KCNH3: variants seen among roughly 807,000 people sequenced by gnomAD.
KCNH3 encodes the protein potassium voltage-gated channel subfamily H member 3, also known as voltage-gated inwardly rectifying potassium channel KCNH3.
In KCNH3, 36 loss-of-function variants were observed where a neutral mutation model predicts 95.6. That is an observed-to-expected ratio of 0.38 (90% CI 0.29 to 0.50). The LOEUF is 0.50. Among genes scored for constraint, KCNH3 ranks in the 20% least tolerant of loss-of-function variants. KCNH3 has a pLI of 0.95. For synonymous variants in KCNH3, 620 were observed against 646.3 expected (o/e 0.96, Z 0.62); for missense variants, 1,030 against 1,484.1 (o/e 0.69, Z 5.03).
chr12:49,547,214 T>A (rs540847898), intron 7 of KCNH3, among the ~76,000 whole-genome samples: 33 of 152,326 alleles, frequency 2.2e-4, no homozygotes, highest in Non-Finnish European at 4.3e-4. Context: ...TGCATTCTTA[T>A]GGCACATCTC....
chr12:49,550,023 GC>G (rs1938204238), intron 9 of KCNH3, 56 bp from the exon 10 acceptor site: 2 of 1,516,118 alleles, frequency 1.3e-6, no homozygotes, highest in Non-Finnish European at 1.8e-6. Context: ...CTGGCTGGAG[GC>G]CACCTCCTCT....
intron 5 of KCNH3, 69 bp downstream of exon 5, chr12:49,543,587 C>T (rs372651374): frequency 5.9e-5 from 92 of 1,552,964 alleles, no homozygotes; most frequent in African/African-American, 4.0e-4. Context: ...GGATAGTCCA[C>T]GTGGCTTCCA....
Position 49,542,702 on chromosome 12 carries a change from G to T in KCNH3, c.446-4G>T. On this transcript the variant is annotated splice_polypyrimidine_tract_variant and splice_region_variant and intron_variant, in intron 3 of 14. Coordinates refer to ENST00000257981, the MANE Select transcript of KCNH3 (RefSeq NM_012284.3). Reference sequence around the variant, plus strand: ...CATCTTCATGGGCCCCTCTTCTTTCGCAGGTGGTGGCCGGCGCCGATATGG... The same window carrying T: ...CATCTTCATGGGCCCCTCTTCTTTCTCAGGTGGTGGCCGGCGCCGATATGG... The T allele has an allele frequency of 1.3e-6, 2 of 1,569,542 alleles. No homozygotes were observed. Among genetic ancestry groups the T allele is most frequent in the Non-Finnish European group, 8.6e-7 (1 of 1,158,014 alleles).
rs563979836 is a variant in KCNH3 at position 49,551,965 on chromosome 12, G to A, written c.1918+1636G>A. Among the ~76,000 whole-genome samples, 9 of 152,328 alleles carry A rather than the reference G, an allele frequency of 5.9e-5. No homozygotes were observed. The South Asian group carries it at 1.0e-3, about 18-fold the overall frequency. ...GAAACAAGAGGAAAAAAATGCCATCGGGGTCTTAGACCCCAAGAGTGGGGA... is the reference window on the plus strand; with the variant it reads ...GAAACAAGAGGAAAAAAATGCCATCAGGGTCTTAGACCCCAAGAGTGGGGA... On this transcript the variant is annotated intron_variant, in intron 10 of 14. Coordinates refer to ENST00000257981, the MANE Select transcript of KCNH3 (RefSeq NM_012284.3).
At position 49,539,551 on chromosome 12, in the gene KCNH3, C is replaced by T; in HGVS notation, c.76+59C>T. ...CGCCGGACCCTCGCCAGGGCTCCCG[C>T]CTTCCCCGAACCCCCAGCAGCCCAG... is the stretch of plus-strand genomic sequence containing the variant. On this transcript the variant is annotated intron_variant, in intron 1 of 14. Transcript: ENST00000257981. The surrounding 1 kb of genome is among the most constrained non-coding windows in gnomAD (Gnocchi z 6.7). 1 of 1,469,642 alleles carries T rather than the reference C, an allele frequency of 6.8e-7. No homozygotes were observed. 91.0% of individuals were successfully genotyped at this position (1,469,642 alleles called of 1,614,324 possible).
chr12:49,548,848 C>G (rs375193484), intron 7 of KCNH3, 47 bp from the exon 8 acceptor site: 13 of 1,497,474 alleles, frequency 8.7e-6, no homozygotes, highest in South Asian at 5.2e-5. Flanking sequence ...CCGGCATCCT[C>G]GCCCACAGTC....
chr12:49,540,206 T>G (rs931301874), intron 1 of KCNH3, among the ~76,000 whole-genome samples: 1 of 152,140 alleles, frequency 6.6e-6, no homozygotes, highest in African/African-American at 2.4e-5. Flanking sequence ...CTCCGGTTCC[T>G]GATAGGGGGT....
intron 10 of KCNH3, among the ~76,000 whole-genome samples, chr12:49,552,941 A>C (rs575176287): frequency 2.6e-5 from 4 of 152,206 alleles, no homozygotes; most frequent in Non-Finnish European, 5.9e-5. Context: ...TTCTATACTT[A>C]AGTTGGAGCA....
intron 5 of KCNH3, 79 bp from the exon 6 acceptor site, chr12:49,543,836 T>C (rs1937957097): frequency 6.5e-7 from 1 of 1,537,580 alleles, no homozygotes. Context: ...TGTCAACTAC[T>C]GAGAAAGTGA....
chr12:49,549,550 C>T lies in KCNH3; in HGVS notation c.1578C>T (p.Arg526=), dbSNP rs780037697. The T allele has an allele frequency of 3.1e-6, 5 of 1,613,610 alleles. No individual in the cohort carries two copies. In the South Asian group the frequency reaches 4.4e-5, roughly 14 times the overall value. The part of the protein sequence containing the change: ...SRTRDLRDYI[R]IHRIPKPLKQ... Reference sequence around the variant, plus strand: ...CGCGCGACCTGCGCGACTACATCCGCATCCACCGTATCCCCAAGCCCCTCA... The same window carrying T: ...CGCGCGACCTGCGCGACTACATCCGTATCCACCGTATCCCCAAGCCCCTCA... The change falls in exon 9 of 15, where the codon CGC becomes CGT. Residue 526 remains arginine (R), a synonymous_variant. Coordinates refer to ENST00000257981, the MANE Select transcript of KCNH3 (RefSeq NM_012284.3).
At chr12:49,544,495 C>T in intron 7 of KCNH3, 113 bp downstream of exon 7, 1 of 1,042,668 alleles carries the variant, frequency 9.6e-7, no homozygotes, top group Non-Finnish European at 1.4e-6. Flanking sequence ...TGCACGTGTG[C>T]AAATCAGAGA....
intron 3 of KCNH3, 102 bp from the exon 4 acceptor site, chr12:49,542,604 C>A: frequency 7.4e-7 from 1 of 1,350,726 alleles, no homozygotes; most frequent in Non-Finnish European, 9.9e-7. Context: ...GGTCAATGAG[C>A]CAGACCAGTC....
At chr12:49,554,696 C>T (rs1252050365) in intron 11 of KCNH3, 142 bp downstream of exon 11, 4 of 703,670 alleles carry the variant, frequency 5.7e-6, no homozygotes, top group African/African-American at 1.8e-5. Flanking sequence ...GGTCTACACC[C>T]TCTCTGCCCT....
At chr12:49,549,312 G>A (rs1394049518) in intron 8 of KCNH3, 129 bp from the exon 9 acceptor site, 2 of 1,453,432 alleles carry the variant, frequency 1.4e-6, no homozygotes, top group African/African-American at 2.8e-5. Flanking sequence ...CGGGGGTGGG[G>A]GAGACTTCGC....
intron 7 of KCNH3, among the ~76,000 whole-genome samples, chr12:49,546,654 C>G (rs1380944795): frequency 6.6e-6 from 1 of 152,196 alleles, no homozygotes; most frequent in African/African-American, 2.4e-5. Flanking sequence ...TGTGCGAGCC[C>G]CCAGCCTCCG....
In KCNH3 at chr12:49,544,481, A is replaced by G. The variant is rs1026826899; in HGVS notation, c.1189+99A>G. On this transcript the variant is annotated intron_variant, in intron 7 of 14. Transcript: ENST00000257981. ...GATGTGTGGTGTCCCTACCTGTGCA[A>G]GTCTGCACGTGTGCAAATCAGAGAA... 14 of 1,184,422 alleles carry G rather than the reference A, an allele frequency of 1.2e-5. No homozygotes were observed. In the Admixed American group the frequency reaches 2.5e-4, roughly 21 times the overall value. 73.4% of individuals were successfully genotyped at this position (1,184,422 alleles called of 1,614,324 possible). A position where few individuals can be genotyped will look rare whatever the true frequency, so the allele number is the denominator to read the frequency against.
At position 49,557,653 on chromosome 12, in the gene KCNH3, C is replaced by A; in HGVS notation, c.2952C>A (p.Ser984Arg). Residue 984 changes from serine to arginine, a missense_variant, in exon 15 of 15, where the codon AGC becomes AGA. By Grantham distance (110) the Ser-to-Arg change is moderately radical. Around this residue, in one of 9 missense-constraint regions of KCNH3, gnomAD observed 464 missense variants for 493.2 expected, o/e 0.94. Coordinates refer to ENST00000257981, the MANE Select transcript of KCNH3 (RefSeq NM_012284.3). ...CCTGGGGTCCCCCAGCGTCTCAGAGCTCCCCCTGGCCTCGAGCCACAGCTT... is the reference window on the plus strand; with the variant it reads ...CCTGGGGTCCCCCAGCGTCTCAGAGATCCCCCTGGCCTCGAGCCACAGCTT... ...PWPWGPPASQ[S>R]SPWPRATAFW... 6.2e-7 allele frequency: 1 copy of A among 1,613,484 alleles called. No individual in the cohort carries two copies. Among genetic ancestry groups the A allele is most frequent in the Non-Finnish European group, 8.5e-7 (1 of 1,179,858 alleles).
Position 49,551,489 on chromosome 12 carries a change from T to C in KCNH3, c.1918+1160T>C, listed in dbSNP as rs1039510928. 8.1e-5 allele frequency among the ~76,000 whole-genome samples: 12 copies of C among 148,632 alleles called. No individual in the cohort carries two copies. In the Admixed American group the frequency reaches 8.1e-4, roughly 10 times the overall value. ...TACTTGGGAGGCTGAGGCAGAAGAA[T>C]TGCTTAAACCCAGGAGATGGAGACT... is the stretch of plus-strand genomic sequence containing the variant. On this transcript the variant is annotated intron_variant, in intron 10 of 14. Transcript: ENST00000257981.
rs377032880 is a variant in KCNH3 at position 49,557,487 on chromosome 12, C to T, written c.2786C>T (p.Ala929Val). ...GCATCGGGAGAGGGGCCGTGCCCAG[C>T]CAGCACCTCCGGGCTTCTGCAGCCT... ...PRASGEGPCP[A>V]STSGLLQPLC... The change falls in exon 15 of 15, where the codon GCC (alanine) becomes GTC (valine). Residue 929 changes from alanine to valine, a missense_variant. By Grantham distance (64) the Ala-to-Val change is moderately conservative. Coordinates refer to ENST00000257981, the MANE Select transcript of KCNH3 (RefSeq NM_012284.3). The T allele has an allele frequency of 1.4e-5, 23 of 1,611,346 alleles. No individual in the cohort carries two copies. The highest frequency in any genetic ancestry group is 1.9e-5 in the Non-Finnish European group (22 of 1,179,688).
Sources: gnomAD v4.1 joint callset for allele counts (sites outside exome capture counted in the v4.1 genomes callset) on GRCh38, gnomAD v4.1.1 for gene constraint, gnomAD v4.1.1 regional missense constraint, Gnocchi (gnomAD v3.1) non-coding constraint, MANE v1.5 for transcripts, NCBI Gene and HGNC (gene_info 2026-07-23, HGNC 2026-07-21) for gene names.